Variants in IL33 observed in about 807,000 individuals in gnomAD.
The protein encoded by IL33 is interleukin-33.
Under a neutral mutation model 27.3 loss-of-function variants are expected in IL33, and 37 were observed. That is an observed-to-expected ratio of 1.36 (90% CI 1.04 to 1.78). IL33 has a LOEUF of 1.78. Ranked by LOEUF, IL33 falls within the 40% of genes most tolerant of loss-of-function variation. The pLI is 0.00. For missense variants in IL33, 406 were observed against 311.4 expected (o/e 1.30, Z -2.29); for synonymous variants, 132 against 102.9 (o/e 1.28, Z -1.71).
chr9:6,234,695 C>G (rs2130238103), intron 1 of IL33, among the ~76,000 whole-genome samples: 1 of 152,316 alleles, frequency 6.6e-6, no homozygotes, highest in South Asian at 2.1e-4. Context: ...CTCACTAGGT[C>G]CTCACTGCTT....
At chr9:6,233,098 T>A (rs1819004436) in intron 1 of IL33, among the ~76,000 whole-genome samples, 1 of 152,180 alleles carries the variant, frequency 6.6e-6, no homozygotes, top group Non-Finnish European at 1.5e-5. Flanking sequence ...ACTCTCCATC[T>A]CCAGAACATT....
At chr9:6,234,452 G>T (rs982613869) in intron 1 of IL33, among the ~76,000 whole-genome samples, 1 of 152,162 alleles carries the variant, frequency 6.6e-6, no homozygotes, top group Non-Finnish European at 1.5e-5. Context: ...CCAGTCCAGA[G>T]CAGGTACACC....
intron 1 of IL33, among the ~76,000 whole-genome samples, chr9:6,224,175 C>T (rs1182623599): frequency 6.6e-6 from 1 of 152,102 alleles, no homozygotes; most frequent in African/African-American, 2.4e-5. Context: ...CTAAAGCTGC[C>T]TTCAGATGAA....
intron 1 of IL33, among the ~76,000 whole-genome samples, chr9:6,224,230 T>C (rs146310024): frequency 6.1e-4 from 93 of 152,288 alleles, no homozygotes; most frequent in African/African-American, 2.1e-3. Context: ...CATATCTATG[T>C]AGTGGGAATA....
At chr9:6,222,494 A>G (rs903638581) in intron 1 of IL33, among the ~76,000 whole-genome samples, 1 of 152,198 alleles carries the variant, frequency 6.6e-6, no homozygotes, top group Non-Finnish European at 1.5e-5. Flanking sequence ...GTTGTGGAAT[A>G]TATTACATGC....
intron 1 of IL33, among the ~76,000 whole-genome samples, chr9:6,225,879 T>G (rs1422178779): frequency 2.0e-5 from 3 of 152,242 alleles, no homozygotes; most frequent in East Asian, 3.9e-4. Context: ...CATACCACCA[T>G]GCACAGCTAA....
At chr9:6,215,403 G>T (rs991573904), upstream of IL33, among the ~76,000 whole-genome samples, 15 of 152,244 alleles carry the variant, frequency 9.9e-5, no homozygotes, top group African/African-American at 3.6e-4. Flanking sequence ...TAGGCCAAAG[G>T]GGGTCGCAAA....
intron 4 of IL33, among the ~76,000 whole-genome samples, chr9:6,252,281 C>T (rs1005529568): frequency 2.0e-5 from 3 of 151,796 alleles, no homozygotes; most frequent in Non-Finnish European, 4.4e-5. Flanking sequence ...TTTTTCCAGG[C>T]CCCATCTGAG....
chr9:6,246,046 G>C lies in IL33; in HGVS notation c.91+4261G>C, dbSNP rs190648326. 6.4e-3 allele frequency among the ~76,000 whole-genome samples: 723 copies of C among 113,408 alleles called. 11 individuals are homozygous for C. The highest frequency in any genetic ancestry group is 0.024 in the African/African-American group (687 of 29,018). 74.4% of individuals were successfully genotyped at this position (113,408 alleles called of 152,430 possible). A position where few individuals can be genotyped will look rare whatever the true frequency, so the allele number is the denominator to read the frequency against. ...CCACTGCACTCCAGCCTGGGTGACAGAGCAAGACTCTGTCTCCAAAAAAAA... is the reference window on the plus strand; with the variant it reads ...CCACTGCACTCCAGCCTGGGTGACACAGCAAGACTCTGTCTCCAAAAAAAA... On this transcript the variant is annotated intron_variant, in intron 2 of 7. Coordinates refer to ENST00000682010, the MANE Select transcript of IL33 (RefSeq NM_033439.4).
chr9:6,234,276 T>A (rs944454307), intron 1 of IL33, among the ~76,000 whole-genome samples: 4 of 152,188 alleles, frequency 2.6e-5, no homozygotes, highest in African/African-American at 9.7e-5. Flanking sequence ...TAGTTCCAAC[T>A]CCCTGCTGAA....
chr9:6,227,884 A>G (rs1818717118), intron 1 of IL33, among the ~76,000 whole-genome samples: 1 of 152,294 alleles, frequency 6.6e-6, no homozygotes, highest in Non-Finnish European at 1.5e-5. Flanking sequence ...TGCAGGGGCT[A>G]GGGAGGAAGA....
At chr9:6,247,033 T>G (rs1002229400) in intron 2 of IL33, among the ~76,000 whole-genome samples, 4 of 152,046 alleles carry the variant, frequency 2.6e-5, no homozygotes, top group Admixed American at 6.6e-5. Context: ...TCAAAATGAC[T>G]TGGGGAGAAA....
chr9:6,247,806 TCTC>T (rs1200780644), intron 2 of IL33, among the ~76,000 whole-genome samples: 1 of 151,808 alleles, frequency 6.6e-6, no homozygotes, highest in Non-Finnish European at 1.5e-5. Flanking sequence ...TCTTCAAAAT[TCTC>T]CTGATGCAAA....
intron 1 of IL33, among the ~76,000 whole-genome samples, chr9:6,231,559 C>G (rs1050937275): frequency 6.6e-6 from 1 of 152,150 alleles, no homozygotes; most frequent in Non-Finnish European, 1.5e-5. Flanking sequence ...CAGTCCAATT[C>G]TTTTTTATCA....
intron 4 of IL33, among the ~76,000 whole-genome samples, chr9:6,252,430 T>A (rs1287446778): frequency 1.3e-5 from 2 of 152,156 alleles, no homozygotes; most frequent in East Asian, 3.8e-4. Context: ...AGAACAGGGC[T>A]TATATCCGCA....
intron 1 of IL33, among the ~76,000 whole-genome samples, chr9:6,237,398 C>G (rs1238196549): frequency 6.6e-6 from 1 of 152,152 alleles, no homozygotes; most frequent in Non-Finnish European, 1.5e-5. Flanking sequence ...TTTGACTTAT[C>G]ATGTGGTTCT....
At position 6,255,959 on chromosome 9, in the gene IL33, T is replaced by C. The variant is rs754018627; in HGVS notation, c.613-9T>C. ...CACATATGGATTGCTTTCTCTCTTG[T>C]TTCCTCAGCTCCATAAGTGTGAAAA... On this transcript the variant is annotated splice_polypyrimidine_tract_variant and intron_variant, in intron 7 of 7. Coordinates refer to ENST00000682010, the MANE Select transcript of IL33 (RefSeq NM_033439.4). 2.5e-6 allele frequency: 4 copies of C among 1,612,278 alleles called. No individual in the cohort carries two copies. In the Admixed American group the frequency reaches 5.0e-5, roughly 20 times the overall value.
At chr9:6,253,460 G>A in intron 5 of IL33, 92 bp from the exon 6 acceptor site, 4 of 809,334 alleles carry the variant, frequency 4.9e-6, no homozygotes, top group Non-Finnish European at 6.0e-6. Flanking sequence ...ATAATAAAAG[G>A]GGAGGATATT....
At chr9:6,249,562 T>G (rs1816209153) in intron 2 of IL33, among the ~76,000 whole-genome samples, 1 of 152,242 alleles carries the variant, frequency 6.6e-6, no homozygotes, top group Non-Finnish European at 1.5e-5. Flanking sequence ...ATGAAATAAT[T>G]ACTGAATAAT....
Sources: allele counts gnomAD v4.1 joint callset (sites outside exome capture counted in the v4.1 genomes callset), GRCh38; gene constraint gnomAD v4.1.1; transcripts MANE v1.5; gene names NCBI Gene and HGNC (gene_info 2026-07-23, HGNC 2026-07-21).